The following HERC1 variants were observed in gnomAD, a reference collection of about 807,000 sequenced individuals.
The protein encoded by HERC1 is probable E3 ubiquitin-protein ligase HERC1.
A neutral mutation model predicts 554.3 loss-of-function variants in HERC1; 160 were observed. The ratio of observed to expected loss-of-function variants is 0.29; its 90% CI spans 0.25 to 0.33. The LOEUF (loss-of-function observed/expected upper bound fraction) is 0.33. Ranked by LOEUF, HERC1 falls within the 10% of genes least tolerant of loss-of-function variation. HERC1 has a pLI of 1.00. For missense variants in HERC1, 4,919 were observed against 5,918.5 expected (o/e 0.83, Z 5.54); for synonymous variants, 2,175 against 2,131.7 (o/e 1.02, Z -0.56).
At chr15:63,638,591 T>G in intron 62 of HERC1, 55 bp from the exon 63 acceptor site, 2 of 1,612,210 alleles carry the variant, frequency 1.2e-6, no homozygotes, top group South Asian at 2.2e-5. Flanking sequence ...CAAACAGCCA[T>G]GTACTACGTA....
intron 12 of HERC1, among the ~76,000 whole-genome samples, chr15:63,741,397 T>A (rs569907590): frequency 6.6e-6 from 1 of 152,006 alleles, no homozygotes; most frequent in East Asian, 1.9e-4. Flanking sequence ...TGATCTCAGC[T>A]CACTGCAACC....
At chr15:63,663,664 G>A (rs1381400205) in intron 43 of HERC1, among the ~76,000 whole-genome samples, 1 of 152,074 alleles carries the variant, frequency 6.6e-6, no homozygotes, top group African/African-American at 2.4e-5. Context: ...TTGCTATGTG[G>A]CCCAGGCTGG....
chr15:63,743,776 G>C (rs1001284105), intron 12 of HERC1, among the ~76,000 whole-genome samples: 1 of 152,146 alleles, frequency 6.6e-6, no homozygotes, highest in Admixed American at 6.5e-5. Context: ...TGAATTCTCT[G>C]TGTGAAAGGT....
rs1175689821 is a variant in HERC1, at chr15:63,612,704, G to A, written c.14095-148C>T. ...CTCAGACCGCCAGGCACGAGAGTCAGTCAAAAAGGCCCACCCTCCCTGCCT... is the reference window on the plus strand; with the variant it reads ...CTCAGACCGCCAGGCACGAGAGTCAATCAAAAAGGCCCACCCTCCCTGCCT... On this transcript the variant is annotated intron_variant, in intron 76 of 77. Transcript: ENST00000443617. The surrounding 1 kb of genome is among the most constrained non-coding windows in gnomAD (Gnocchi z 5.0). 1.3e-5 allele frequency: 9 copies of A among 711,910 alleles called. No homozygotes were observed. Among genetic ancestry groups the A allele is most frequent in the Non-Finnish European group, 2.0e-5 (9 of 442,028 alleles). The allele number at this position is 711,910 out of a possible 1,614,324, so 44.1% of individuals were successfully genotyped here. A position where few individuals can be genotyped will look rare whatever the true frequency, so the allele number is the denominator to read the frequency against.
chr15:63,682,997 A>G (rs549359352), intron 34 of HERC1, among the ~76,000 whole-genome samples: 1 of 152,152 alleles, frequency 6.6e-6, no homozygotes, highest in African/African-American at 2.4e-5. Flanking sequence ...TTAGCCAGGC[A>G]TGCTGATGCG....
chr15:63,713,706 G>A (rs1184242530), intron 22 of HERC1, 41 bp from the exon 23 acceptor site: 11 of 1,516,974 alleles, frequency 7.3e-6, no homozygotes, highest in African/African-American at 1.4e-5. Context: ...AACACATGGG[G>A]AGAGAAGAGC....
At chr15:63,630,013 TAA>T (rs2068476433) in intron 69 of HERC1, among the ~76,000 whole-genome samples, 1 of 152,192 alleles carries the variant, frequency 6.6e-6, no homozygotes, top group Admixed American at 6.5e-5. Context: ...TGCAAAAACC[TAA>T]AGATACTTTG....
chr15:63,694,986 T>A lies in HERC1; in HGVS notation c.5122-92A>T. On this transcript the variant is annotated intron_variant, in intron 27 of 77. Transcript: ENST00000443617. The surrounding 1 kb of genome is among the most constrained non-coding windows in gnomAD (Gnocchi z 4.3). The stretch of plus-strand genomic sequence containing the variant: ...ATAACATTTTATTTCTAGTCTATGC[T>A]AGAGCCTTACGATGGTTTTTAATTA... 8.5e-7 allele frequency: 1 copy of A among 1,180,808 alleles called. No individual in the cohort carries two copies. Among genetic ancestry groups the A allele is most frequent in the Non-Finnish European group, 1.2e-6 (1 of 858,488 alleles). The allele number at this position is 1,180,808 out of a possible 1,614,324, so 73.1% of individuals were successfully genotyped here.
intron 12 of HERC1, among the ~76,000 whole-genome samples, chr15:63,746,250 T>C (rs1006387605): frequency 5.3e-5 from 8 of 152,176 alleles, no homozygotes; most frequent in Non-Finnish European, 1.2e-4. Flanking sequence ...ATCTTAAGTA[T>C]TAAATTTATC....
chr15:63,807,154 C>G (rs1380890190), intron 1 of HERC1, among the ~76,000 whole-genome samples: 1 of 152,138 alleles, frequency 6.6e-6, no homozygotes, highest in Non-Finnish European at 1.5e-5. Context: ...TAAAATGGGT[C>G]CTGGACTAGG....
intron 48 of HERC1, 43 bp from the exon 49 acceptor site, chr15:63,656,401 A>G (rs2070036772): frequency 6.4e-7 from 1 of 1,559,868 alleles, no homozygotes; most frequent in African/African-American, 1.4e-5. Flanking sequence ...AAGAAAATGG[A>G]TTTCTTAAGG....
chr15:63,721,159 T>C (rs941478364), intron 19 of HERC1, among the ~76,000 whole-genome samples: 1 of 152,152 alleles, frequency 6.6e-6, no homozygotes, highest in Non-Finnish European at 1.5e-5. Flanking sequence ...GAAAGTAAAC[T>C]TTTTTCCTCC....
chr15:63,777,744 T>C (rs551086567), intron 1 of HERC1, among the ~76,000 whole-genome samples: 1 of 152,192 alleles, frequency 6.6e-6, no homozygotes, highest in South Asian at 2.1e-4. Context: ...CAAAAGAGTA[T>C]CCCTGCCCGA....
rs1460082921 is a variant in HERC1 at position 63,669,738 on chromosome 15, T to C, written c.8046-40A>G. The C allele has an allele frequency of 5.8e-6, 9 of 1,544,670 alleles. No individual in the cohort carries two copies. The African/African-American group carries it at 8.2e-5, about 14-fold the overall frequency. Reference sequence around the variant, plus strand: ...CAGTGGTTAGCATAAAAATCCAATTTACGAAATAATACATACATCACAATC... The same window carrying C: ...CAGTGGTTAGCATAAAAATCCAATTCACGAAATAATACATACATCACAATC... On this transcript the variant is annotated intron_variant, in intron 39 of 77. Transcript: ENST00000443617.
chr15:63,678,755 G>C (rs1303793878), intron 36 of HERC1, among the ~76,000 whole-genome samples: 1 of 151,984 alleles, frequency 6.6e-6, no homozygotes, highest in African/African-American at 2.4e-5. Flanking sequence ...TTGTTCAAGG[G>C]GTGCAAAAGT....
At chr15:63,638,820 G>C in intron 61 of HERC1, 44 bp from the exon 62 acceptor site, 1 of 1,394,620 alleles carries the variant, frequency 7.2e-7, no homozygotes, top group Admixed American at 1.7e-5. Context: ...GCTTAGGCAA[G>C]ATGCACCTGC....
chr15:63,681,919 T>C (rs1424915102), intron 34 of HERC1, among the ~76,000 whole-genome samples: 1 of 152,206 alleles, frequency 6.6e-6, no homozygotes, highest in Non-Finnish European at 1.5e-5. Flanking sequence ...ACTGGGTGTA[T>C]ATCCTTACCG....
chr15:63,707,081 A>C (rs1884716871), intron 24 of HERC1, among the ~76,000 whole-genome samples: 1 of 152,208 alleles, frequency 6.6e-6, no homozygotes, highest in Non-Finnish European at 1.5e-5. Flanking sequence ...GAGTAGCAGT[A>C]GTTTTTGTTA....
intron 3 of HERC1, among the ~76,000 whole-genome samples, chr15:63,762,808 A>C (rs62020780): frequency 6.6e-6 from 1 of 152,098 alleles, no homozygotes; most frequent in Non-Finnish European, 1.5e-5. Flanking sequence ...AAATATTGCA[A>C]CTAATTGTTG....
Sources: gnomAD v4.1 joint callset for allele counts (sites outside exome capture counted in the v4.1 genomes callset) on GRCh38, gnomAD v4.1.1 for gene constraint, Gnocchi (gnomAD v3.1) non-coding constraint, MANE v1.5 for transcripts, NCBI Gene and HGNC (gene_info 2026-07-23, HGNC 2026-07-21) for gene names.